The following TLN2 variants were observed in gnomAD, a reference collection of about 807,000 sequenced individuals.
The protein encoded by TLN2 is talin-2.
In TLN2, 118 loss-of-function variants were observed where a neutral mutation model predicts 294.7. The ratio of observed to expected loss-of-function variants is 0.40; its 90% confidence interval spans 0.34 to 0.47. The LOEUF is 0.47. Ranked by LOEUF, TLN2 falls within the 20% of genes least tolerant of loss-of-function variation. The pLI is 0.84. For synonymous variants in TLN2, 1,431 were observed against 1,304.5 expected, an observed-to-expected ratio of 1.10 and a Z score of -2.09; for missense variants, 3,083 against 3,282.2, an observed-to-expected ratio of 0.94 and a Z score of 1.48.
rs139947142 is a variant in TLN2, at chr15:62,697,185, G to A, written c.1293-503G>A. Among the ~76,000 whole-genome samples the A allele has an allele frequency of 5.3e-5, 8 of 152,106 alleles. No homozygotes were observed. The East Asian group carries it at 1.4e-3, about 26-fold the overall frequency. On this transcript the variant is annotated intron_variant, in intron 14 of 58. Coordinates refer to ENST00000636159, the MANE Select transcript of TLN2 (RefSeq NM_015059.3). ...TACAGTGGCGCGATCATAGCTCACTGCAGCCTCAGGCTCCTGGGCTCAGGT... is the reference window on the plus strand; with the variant it reads ...TACAGTGGCGCGATCATAGCTCACTACAGCCTCAGGCTCCTGGGCTCAGGT...
intron 37 of TLN2, among the ~76,000 whole-genome samples, chr15:62,757,915 T>G (rs896185811): frequency 7.2e-5 from 11 of 152,118 alleles, no homozygotes; most frequent in African/African-American, 2.7e-4. Context: ...AGGAAAGTGG[T>G]AAAGGTCATT....
At chr15:62,709,190 C>G (rs1016803271) in intron 21 of TLN2, among the ~76,000 whole-genome samples, 13 of 152,196 alleles carry the variant, frequency 8.5e-5, no homozygotes. Context: ...ACATGCCGCA[C>G]AGGGTCATGG....
At position 62,809,913 on chromosome 15, in the gene TLN2, TTCTC is replaced by T; in HGVS notation, c.6664-7_6664-4del. 1 of 1,613,452 alleles carries T rather than the reference TTCTC, an allele frequency of 6.2e-7. No homozygotes were observed. Among genetic ancestry groups the T allele is most frequent in the Non-Finnish European group, 8.5e-7 (1 of 1,179,512 alleles). On this transcript the variant is annotated splice_region_variant and splice_polypyrimidine_tract_variant and intron_variant, in intron 51 of 58. Transcript: ENST00000636159. ...CCCATGTTAAGATTTCAGCATTCCTTTCTCTCTCCAGCAAGCATCCTTCCACCCC... is the reference window on the plus strand; with the variant it reads ...CCCATGTTAAGATTTCAGCATTCCTTTCTCCAGCAAGCATCCTTCCACCCC...
At chr15:62,656,224 C>G (rs1044460437) in intron 8 of TLN2, 138 bp downstream of exon 8, 4 of 1,087,592 alleles carry the variant, frequency 3.7e-6, no homozygotes, top group South Asian at 3.2e-5. Context: ...GCTCGTGGGT[C>G]CCCGCATGTG....
chr15:62,621,642 A>G (rs1395495365), intron 3 of TLN2, among the ~76,000 whole-genome samples: 1 of 152,202 alleles, frequency 6.6e-6, no homozygotes, highest in Non-Finnish European at 1.5e-5. Flanking sequence ...ATGTTTGAGA[A>G]ATGTTACTGA....
At chr15:62,714,577 C>A (rs187421579) in intron 22 of TLN2, among the ~76,000 whole-genome samples, 1 of 151,996 alleles carries the variant, frequency 6.6e-6, no homozygotes, top group Non-Finnish European at 1.5e-5. Context: ...CTCGTTTCTT[C>A]TAAGTATTCA....
intron 1 of TLN2, among the ~76,000 whole-genome samples, chr15:62,573,177 A>G (rs1378026010): frequency 1.3e-5 from 2 of 152,040 alleles, no homozygotes; most frequent in Non-Finnish European, 2.9e-5. Flanking sequence ...GACATGCTCT[A>G]TCCACCTTGA....
intron 1 of TLN2, among the ~76,000 whole-genome samples, chr15:62,404,916 A>T (rs2033296205): frequency 6.6e-6 from 1 of 152,214 alleles, no homozygotes; most frequent in African/African-American, 2.4e-5. Flanking sequence ...TGGTACACTC[A>T]AGAAGACAGG....
intron 1 of TLN2, among the ~76,000 whole-genome samples, chr15:62,439,942 TC>T (rs2035468674): frequency 6.6e-6 from 1 of 152,122 alleles, no homozygotes; most frequent in Admixed American, 6.5e-5. Flanking sequence ...GGACAGGAAC[TC>T]CCTGTGCTGA....
At chr15:62,410,073 C>G (rs1272183698) in intron 1 of TLN2, among the ~76,000 whole-genome samples, 1 of 152,096 alleles carries the variant, frequency 6.6e-6, no homozygotes, top group African/African-American at 2.4e-5. Context: ...AAAACCCCGT[C>G]TCTACTAAAA....
intron 1 of TLN2, among the ~76,000 whole-genome samples, chr15:62,585,759 C>T (rs778876105): frequency 6.6e-6 from 1 of 152,148 alleles, no homozygotes; most frequent in Non-Finnish European, 1.5e-5. Context: ...TTGGATAGAT[C>T]TTATCCATAT....
In TLN2 at chr15:62,625,042, T is replaced by C. The variant is rs554240534; in HGVS notation, c.-37+6567T>C. 2.0e-5 allele frequency among the ~76,000 whole-genome samples: 3 copies of C among 152,322 alleles called. No individual in the cohort carries two copies. In the South Asian group the frequency reaches 6.2e-4, roughly 32 times the overall value. ...AGGGAATATTGTTGTGCTTTCAGGA[T>C]GACTGGAGGATTCAGGGGTGTGTGT... On this transcript the variant is annotated intron_variant, in intron 3 of 58. Coordinates refer to ENST00000636159, the MANE Select transcript of TLN2 (RefSeq NM_015059.3).
intron 20 of TLN2, 55 bp downstream of exon 20, chr15:62,707,308 C>A: frequency 6.6e-7 from 1 of 1,516,986 alleles, no homozygotes; most frequent in Non-Finnish European, 8.9e-7. Context: ...CTGTTACCTG[C>A]CTCCAGGCAT....
intron 50 of TLN2, among the ~76,000 whole-genome samples, chr15:62,801,006 T>C (rs956126628): frequency 2.0e-5 from 3 of 152,184 alleles, no homozygotes; most frequent in African/African-American, 7.2e-5. Context: ...CTTAGGACTA[T>C]TCAGGTTTAC....
intron 1 of TLN2, among the ~76,000 whole-genome samples, chr15:62,474,361 G>C (rs945558064): frequency 2.6e-5 from 4 of 151,882 alleles, no homozygotes; most frequent in Non-Finnish European, 5.9e-5. Context: ...GGATAATATG[G>C]GCCAGTCTTG....
At chr15:62,683,754 T>A (rs970859078) in intron 11 of TLN2, among the ~76,000 whole-genome samples, 5 of 152,202 alleles carry the variant, frequency 3.3e-5, no homozygotes, top group African/African-American at 1.2e-4. Context: ...TGGTGCCTGC[T>A]TTAGCCTGCT....
chr15:62,555,375 A>C (rs1160541330), intron 1 of TLN2, among the ~76,000 whole-genome samples: 1 of 152,184 alleles, frequency 6.6e-6, no homozygotes, highest in African/African-American at 2.4e-5. Flanking sequence ...TTATAGCATG[A>C]ATGAATTCTT....
At chr15:62,448,774 A>G (rs899612452) in intron 1 of TLN2, among the ~76,000 whole-genome samples, 1 of 152,234 alleles carries the variant, frequency 6.6e-6, no homozygotes, top group Non-Finnish European at 1.5e-5. Context: ...GAGGCAAGCA[A>G]GTTCTTTTAA....
chr15:62,432,718 G>C (rs915290703), intron 1 of TLN2, among the ~76,000 whole-genome samples: 4 of 152,150 alleles, frequency 2.6e-5, no homozygotes, highest in African/African-American at 9.7e-5. Context: ...CTGTGTTCTT[G>C]GCAATATACT....
Sources: gnomAD v4.1 joint callset for allele counts (sites outside exome capture counted in the v4.1 genomes callset) on GRCh38, gnomAD v4.1.1 for gene constraint, MANE v1.5 for transcripts, NCBI Gene and HGNC (gene_info 2026-07-23, HGNC 2026-07-21) for gene names.